SAXO1: variants seen among roughly 807,000 people sequenced by gnomAD.
SAXO1 encodes stabilizer of axonemal microtubules 1, also known as 4930500O09Rik.
Under a neutral mutation model 17.5 loss-of-function variants are expected in SAXO1, and 21 were observed. The observed-to-expected ratio is 1.20, with a 90% CI of 0.85 to 1.72. SAXO1 has a LOEUF of 1.72. Ranked by LOEUF, SAXO1 falls within the 40% of genes most tolerant of loss-of-function variation. The probability of loss-of-function intolerance (pLI) is 0.00; values close to 1 mark genes in which losing one functional copy is unlikely to be tolerated. For missense variants in SAXO1, 843 were observed against 596.0 expected, an observed-to-expected ratio of 1.41 and a Z score of -4.32; for synonymous variants, 274 against 216.5, an observed-to-expected ratio of 1.27 and a Z score of -2.33.
chr9:19,022,895 G>C (rs1835307902), intron 1 of SAXO1, among the ~76,000 whole-genome samples: 1 of 152,180 alleles, frequency 6.6e-6, no homozygotes, highest in African/African-American at 2.4e-5. Context: ...ATGCTATGCA[G>C]GGAGTACGTC....
chr9:18,968,183 C>T (rs1832803527), intron 1 of SAXO1, among the ~76,000 whole-genome samples: 4 of 152,162 alleles, frequency 2.6e-5, no homozygotes, highest in Admixed American at 2.0e-4. Context: ...ACTGGAGCTG[C>T]TTTTATTCAG....
intron 1 of SAXO1, among the ~76,000 whole-genome samples, chr9:18,991,713 A>C (rs1833823283): frequency 1.3e-5 from 2 of 152,216 alleles, no homozygotes; most frequent in South Asian, 4.1e-4. Context: ...CTTAAAGTAC[A>C]ATTTAAAAAA....
intron 1 of SAXO1, among the ~76,000 whole-genome samples, chr9:18,993,562 C>A (rs1381090382): frequency 1.3e-5 from 2 of 152,134 alleles, no homozygotes; most frequent in African/African-American, 4.8e-5. Context: ...AAAGACTGTA[C>A]AGGAGAGGTA....
At chr9:18,989,907 G>A (rs866461909) in intron 1 of SAXO1, among the ~76,000 whole-genome samples, 13 of 152,174 alleles carry the variant, frequency 8.5e-5, no homozygotes, top group African/African-American at 2.4e-4. Context: ...TGAGGACCAA[G>A]GGAGATGAGA....
intron 1 of SAXO1, among the ~76,000 whole-genome samples, chr9:18,987,287 C>T (rs1833631778): frequency 6.6e-6 from 1 of 152,160 alleles, no homozygotes; most frequent in African/African-American, 2.4e-5. Context: ...CTCCCTCTTC[C>T]TCATACTCCA....
chr9:19,016,054 G>A (rs1053322402), intron 1 of SAXO1, among the ~76,000 whole-genome samples: 1 of 152,094 alleles, frequency 6.6e-6, no homozygotes, highest in South Asian at 2.1e-4. Context: ...GCAGGGGAAG[G>A]GCACCATCAT....
intron 1 of SAXO1, among the ~76,000 whole-genome samples, chr9:19,001,307 C>T (rs1181297236): frequency 1.3e-5 from 2 of 152,166 alleles, no homozygotes; most frequent in Non-Finnish European, 1.5e-5. Context: ...TGCACAACTA[C>T]ATGGAAACTG....
chr9:18,956,573 G>A (rs1234144139), intron 1 of SAXO1, among the ~76,000 whole-genome samples: 1 of 152,148 alleles, frequency 6.6e-6, no homozygotes, highest in Non-Finnish European at 1.5e-5. Flanking sequence ...TCAGAGGCAG[G>A]AAGATCTGGT....
chr9:18,989,240 C>G (rs1010736273), intron 1 of SAXO1, among the ~76,000 whole-genome samples: 2 of 152,172 alleles, frequency 1.3e-5, no homozygotes, highest in African/African-American at 4.8e-5. Flanking sequence ...TTCGATGCCT[C>G]TTTCTTTTCC....
upstream of SAXO1, among the ~76,000 whole-genome samples, chr9:19,037,740 A>C (rs1322064235): frequency 1.3e-5 from 2 of 152,156 alleles, no homozygotes; most frequent in Non-Finnish European, 2.9e-5. Flanking sequence ...CCCTGGTATC[A>C]AAATTTCCTC....
chr9:18,960,325 G>A (rs181734600), intron 1 of SAXO1, among the ~76,000 whole-genome samples: 6 of 152,234 alleles, frequency 3.9e-5, no homozygotes, highest in Non-Finnish European at 4.4e-5. Context: ...CAATCCTCTG[G>A]GGGAAGGAAG....
At chr9:18,934,701 A>G (rs1831212971) in intron 3 of SAXO1, among the ~76,000 whole-genome samples, 1 of 152,086 alleles carries the variant, frequency 6.6e-6, no homozygotes, top group South Asian at 2.1e-4. Context: ...TTCCCCCACC[A>G]TGCATGGGTC....
chr9:19,028,185 G>C (rs1240872806), intron 1 of SAXO1: 2 of 1,262,678 alleles, frequency 1.6e-6, no homozygotes, highest in Admixed American at 4.0e-5. Context: ...AATAAAAGAT[G>C]GTTTAGAGGC....
At chr9:19,014,464 A>AAAAAAAAAG in intron 1 of SAXO1, among the ~76,000 whole-genome samples, 1 of 150,762 alleles carries the variant, frequency 6.6e-6, no homozygotes, top group Admixed American at 6.6e-5. Context: ...GTGTCTCAAA[A>AAAAAAAAAG]AAAAAAAAAA....
intron 1 of SAXO1, among the ~76,000 whole-genome samples, chr9:19,048,085 G>A (rs575479550): frequency 1.3e-5 from 2 of 152,272 alleles, no homozygotes. Context: ...TTCTTTTACT[G>A]CACACGTTAA....
intron 1 of SAXO1, among the ~76,000 whole-genome samples, chr9:19,010,719 G>A (rs536861495): frequency 1.3e-5 from 2 of 152,236 alleles, no homozygotes; most frequent in East Asian, 1.9e-4. Context: ...AGGCAGGTAA[G>A]CTTATCAAAG....
intron 3 of SAXO1, 130 bp downstream of exon 3, chr9:18,941,507 C>A: frequency 2.0e-6 from 2 of 987,382 alleles, no homozygotes; most frequent in Non-Finnish European, 3.0e-6. Context: ...AGGCTGCTGG[C>A]CAGATCTGGC....
intron 3 of SAXO1, among the ~76,000 whole-genome samples, chr9:18,931,792 T>C (rs1221892616): frequency 1.3e-5 from 2 of 152,234 alleles, no homozygotes; most frequent in African/African-American, 4.8e-5. Context: ...TATCTCTGCA[T>C]GCACTTATCC....
At chr9:18,942,350 C>A (rs971812832) in intron 2 of SAXO1, among the ~76,000 whole-genome samples, 2 of 152,168 alleles carry the variant, frequency 1.3e-5, no homozygotes, top group Non-Finnish European at 2.9e-5. Flanking sequence ...CCTTGTCTCT[C>A]ACGATCCCCA....
Sources: gnomAD v4.1 joint callset for allele counts (sites outside exome capture counted in the v4.1 genomes callset) on GRCh38, gnomAD v4.1.1 for gene constraint, MANE v1.5 for transcripts, NCBI Gene and HGNC (gene_info 2026-07-23, HGNC 2026-07-21) for gene names.